The following AK8 variants were observed in gnomAD, a reference collection of about 807,000 sequenced individuals.
AK8 encodes the protein adenylate kinase 8.
In AK8, 44 loss-of-function variants were observed where a neutral mutation model predicts 54.6. That is an observed-to-expected ratio of 0.81 (90% CI 0.63 to 1.04). The LOEUF is 1.04. AK8 is among the 50% of genes least tolerant of loss of function. AK8 has a pLI of 0.00. For synonymous variants in AK8, 239 were observed against 245.6 expected (o/e 0.97, Z 0.25); for missense variants, 555 against 613.6 (o/e 0.90, Z 1.01).
At chr9:132,728,138 G>A (rs1474857058) in intron 11 of AK8, among the ~76,000 whole-genome samples, 5 of 152,222 alleles carry the variant, frequency 3.3e-5, no homozygotes, top group African/African-American at 7.2e-5. Flanking sequence ...CACCCCAGAC[G>A]AGGGTGGGCA....
At chr9:132,741,343 T>C (rs1837381866) in intron 11 of AK8, among the ~76,000 whole-genome samples, 1 of 152,234 alleles carries the variant, frequency 6.6e-6, no homozygotes, top group African/African-American at 2.4e-5. Context: ...CCATCTTCAC[T>C]GGGCACTGCA....
At chr9:132,741,105 C>T (rs1413344081) in intron 11 of AK8, among the ~76,000 whole-genome samples, 3 of 152,190 alleles carry the variant, frequency 2.0e-5, no homozygotes, top group African/African-American at 4.8e-5. Context: ...GAATCACCCA[C>T]GGCAAGCCCA....
Position 132,770,461 on chromosome 9 carries a change from G to A in AK8, c.1121+22173C>T, listed in dbSNP as rs1838915952. On this transcript the variant is annotated intron_variant, in intron 11 of 12. Coordinates refer to ENST00000298545, the MANE Select transcript of AK8 (RefSeq NM_152572.3). This position sits in a 1 kb window ranked among gnomAD's most constrained non-coding sequence, Gnocchi z 4.3. ...GAACGCTGGCTGGGGTAGGGGGTGG[G>A]GCAGGGGCGAGGGGACACCCTGTGG... Among the ~76,000 whole-genome samples, 2 of 152,200 alleles carry A rather than the reference G, an allele frequency of 1.3e-5. 1 individual carries two copies. Among genetic ancestry groups the A allele is most frequent in the South Asian group, 4.1e-4 (2 of 4,834 alleles).
rs184373970 is a variant in AK8 at position 132,837,212 on chromosome 9, G to C, written c.403-8486C>G. Among the ~76,000 whole-genome samples, 1 of 151,922 alleles carries C rather than the reference G, an allele frequency of 6.6e-6. No homozygotes were observed. On this transcript the variant is annotated intron_variant, in intron 5 of 12. Transcript: ENST00000298545. This position sits in a 1 kb window ranked among gnomAD's most constrained non-coding sequence, Gnocchi z 4.3. ...CGGGCGCCTGTAATCCCAGCTACTC[G>C]GGAGACTGAGGCAGGAGAATCGCTT...
intron 10 of AK8, among the ~76,000 whole-genome samples, chr9:132,813,400 G>T (rs1316640995): frequency 6.6e-6 from 1 of 152,184 alleles, no homozygotes; most frequent in Non-Finnish European, 1.5e-5. Flanking sequence ...TCATCAACCT[G>T]CTCCATCTAG....
At chr9:132,834,672 A>C (rs141202504) in intron 5 of AK8, among the ~76,000 whole-genome samples, 1,707 of 152,262 alleles carry the variant, frequency 0.011, 21 homozygotes, top group Non-Finnish European at 0.011. Context: ...ATGCTCTTAC[A>C]ACGCCGAAAT....
chr9:132,822,279 A>G (rs551582353), intron 9 of AK8, among the ~76,000 whole-genome samples: 8 of 130,518 alleles, frequency 6.1e-5, no homozygotes, highest in African/African-American at 2.1e-4. Context: ...AAATATATAC[A>G]TATATGTGTA....
At chr9:132,815,507 C>T (rs1211337257) in intron 9 of AK8, among the ~76,000 whole-genome samples, 2 of 151,804 alleles carry the variant, frequency 1.3e-5, no homozygotes, top group Non-Finnish European at 2.9e-5. Flanking sequence ...GAGCCAAGAT[C>T]GCGTCACTGC....
chr9:132,746,767 A>AC (rs1033005915), intron 11 of AK8, among the ~76,000 whole-genome samples: 2 of 151,764 alleles, frequency 1.3e-5, no homozygotes, highest in African/African-American at 2.4e-5. Context: ...AGTTGCAGGA[A>AC]CCCCCGGGCC....
Position 132,792,709 on chromosome 9 carries a change from C to A in AK8, c.1046G>T (p.Gly349Val). 1 of 1,557,344 alleles carries A rather than the reference C, an allele frequency of 6.4e-7. No homozygotes were observed. Among genetic ancestry groups the A allele is most frequent in the Non-Finnish European group, 8.7e-7 (1 of 1,150,898 alleles). The change falls in exon 11 of 13, where the codon GGC becomes GTC. Residue 349 changes from glycine to valine, a missense_variant. Coordinates refer to ENST00000298545, the MANE Select transcript of AK8 (RefSeq NM_152572.3). Reference sequence around the variant, plus strand: ...CCGCGGGACGCCGTGTAGCACCCAGCCTTTCTGGATGCAGTCCTGCTGGTC... The same window carrying A: ...CCGCGGGACGCCGTGTAGCACCCAGACTTTCTGGATGCAGTCCTGCTGGTC... The part of the protein sequence containing the change: ...RLDQQDCIQK[G>V]WVLHGVPRDL...
intron 5 of AK8, among the ~76,000 whole-genome samples, chr9:132,831,528 A>C (rs918630964): frequency 2.0e-5 from 3 of 152,212 alleles, no homozygotes; most frequent in African/African-American, 7.2e-5. Context: ...GAAAGCAGCG[A>C]GTTGCTTCAA....
chr9:132,733,402 A>C (rs1836951605), intron 11 of AK8, among the ~76,000 whole-genome samples: 1 of 152,226 alleles, frequency 6.6e-6, no homozygotes, highest in Admixed American at 6.5e-5. Flanking sequence ...TGCCGACGCC[A>C]GTAGAAAGGA....
intron 10 of AK8, among the ~76,000 whole-genome samples, chr9:132,794,591 C>A (rs187585733): frequency 1.3e-5 from 2 of 152,186 alleles, no homozygotes; most frequent in African/African-American, 2.4e-5. Flanking sequence ...TTAATGTCTG[C>A]GTCTCTTTCA....
intron 2 of AK8, 68 bp downstream of exon 2, chr9:132,875,047 G>T: frequency 6.3e-7 from 1 of 1,591,890 alleles, no homozygotes; most frequent in East Asian, 2.2e-5. Flanking sequence ...AGAGGAGTCA[G>T]GGAAGAAGGG....
At chr9:132,800,099 G>A (rs569098527) in intron 10 of AK8, among the ~76,000 whole-genome samples, 1 of 152,342 alleles carries the variant, frequency 6.6e-6, no homozygotes, top group African/African-American at 2.4e-5. Flanking sequence ...CTAGGCTGCT[G>A]GGAGGTTTGC....
intron 11 of AK8, among the ~76,000 whole-genome samples, chr9:132,755,050 C>T (rs570903343): frequency 2.6e-5 from 4 of 152,308 alleles, no homozygotes; most frequent in East Asian, 1.9e-4. Context: ...CTGCCCGCCT[C>T]GGCCTCCTAA....
chr9:132,774,673 C>T (rs1170947788), intron 11 of AK8, among the ~76,000 whole-genome samples: 2 of 152,140 alleles, frequency 1.3e-5, no homozygotes, highest in East Asian at 1.9e-4. Flanking sequence ...AGTGAACGGT[C>T]GAGCATCGCG....
intron 11 of AK8, among the ~76,000 whole-genome samples, chr9:132,777,029 C>T (rs1371850511): frequency 6.6e-6 from 1 of 152,090 alleles, no homozygotes; most frequent in African/African-American, 2.4e-5. Context: ...TGTCTCCTTG[C>T]AAGATCATCC....
At chr9:132,778,623 A>G (rs1177072204) in intron 11 of AK8, among the ~76,000 whole-genome samples, 1 of 152,200 alleles carries the variant, frequency 6.6e-6, no homozygotes, top group Non-Finnish European at 1.5e-5. Flanking sequence ...TCATTATCCA[A>G]GGGTTTCAAT....
Sources: gnomAD v4.1 joint callset for allele counts (sites outside exome capture counted in the v4.1 genomes callset) on GRCh38, gnomAD v4.1.1 for gene constraint, Gnocchi (gnomAD v3.1) non-coding constraint, MANE v1.5 for transcripts, NCBI Gene and HGNC (gene_info 2026-07-23, HGNC 2026-07-21) for gene names.